Variants in CHD9 observed in about 807,000 individuals in gnomAD.
CHD9 encodes the protein ATP-dependent chromatin remodeler CHD9.
In CHD9, 77 loss-of-function variants were observed where a neutral mutation model predicts 316.1. That is an observed-to-expected ratio of 0.24 (90% CI 0.20 to 0.29). The LOEUF is 0.29. CHD9 is among the 10% of genes least tolerant of loss of function. The pLI is 1.00. For synonymous variants in CHD9, 1,129 were observed against 1,158.3 expected (o/e 0.97, Z 0.51); for missense variants, 2,763 against 3,438.1 (o/e 0.80, Z 4.91).
At chr16:53,227,179 C>T (rs1194141105) in intron 5 of CHD9, 3 of 365,290 alleles carry the variant, frequency 8.2e-6, no homozygotes, top group Non-Finnish European at 1.5e-5. Flanking sequence ...CATTAAAAAG[C>T]ACAATATGTT....
intron 2 of CHD9, among the ~76,000 whole-genome samples, chr16:53,183,169 T>C (rs1409198491): frequency 6.6e-6 from 1 of 152,160 alleles, no homozygotes; most frequent in Non-Finnish European, 1.5e-5. Flanking sequence ...AACAGAAAAG[T>C]GTAGAAGGTA....
intron 1 of CHD9, among the ~76,000 whole-genome samples, chr16:53,139,664 G>T (rs2039961019): frequency 6.6e-6 from 1 of 152,184 alleles, no homozygotes; most frequent in Admixed American, 6.5e-5. Flanking sequence ...ACTGGTATGA[G>T]AGGGAAAGCT....
At chr16:53,083,917 A>AT (rs981324296) in intron 1 of CHD9, among the ~76,000 whole-genome samples, 18 of 148,140 alleles carry the variant, frequency 1.2e-4, no homozygotes, top group South Asian at 4.3e-4. Context: ...TGCCCAACTA[A>AT]TTTTTTTTTT....
chr16:53,096,018 T>C (rs1346225896), intron 1 of CHD9, among the ~76,000 whole-genome samples: 1 of 151,916 alleles, frequency 6.6e-6, no homozygotes, highest in South Asian at 2.1e-4. Context: ...GGTCAGTTGG[T>C]GGAGCAGTGG....
intron 1 of CHD9, among the ~76,000 whole-genome samples, chr16:53,076,047 G>A (rs145445856): frequency 2.0e-4 from 30 of 152,092 alleles, no homozygotes; most frequent in Admixed American, 1.4e-3. Context: ...CTTATTGGCC[G>A]TTTATATATC....
intron 29 of CHD9, among the ~76,000 whole-genome samples, chr16:53,293,897 A>G (rs541029169): frequency 1.3e-5 from 2 of 152,218 alleles, no homozygotes; most frequent in East Asian, 3.9e-4. Flanking sequence ...GCAGTGAGCC[A>G]GTATCATACC....
intron 16 of CHD9, among the ~76,000 whole-genome samples, chr16:53,249,082 T>G (rs1290654351): frequency 2.0e-5 from 3 of 152,132 alleles, no homozygotes; most frequent in Admixed American, 6.5e-5. Context: ...CGTGGAGAAC[T>G]TCATACAGAT....
chr16:53,118,935 G>A (rs1403804047), intron 1 of CHD9, among the ~76,000 whole-genome samples: 1 of 151,950 alleles, frequency 6.6e-6, no homozygotes, highest in Non-Finnish European at 1.5e-5. Context: ...TGGGATTACA[G>A]GCACCCGCCA....
chr16:53,194,906 A>C (rs886912296), intron 2 of CHD9, among the ~76,000 whole-genome samples: 4 of 152,202 alleles, frequency 2.6e-5, no homozygotes, highest in African/African-American at 4.8e-5. Flanking sequence ...CAGTAATAAA[A>C]TCAAGAAAAT....
At position 53,235,425 on chromosome 16, in the gene CHD9, G is replaced by A. The variant is rs978021309; in HGVS notation, c.2633+119G>A. Reference sequence around the variant, plus strand: ...TGTTTTGAAGTCTTCATTATTTAAAGTGAGGTTACCTCAGGAACATATGTA... The same window carrying A: ...TGTTTTGAAGTCTTCATTATTTAAAATGAGGTTACCTCAGGAACATATGTA... On this transcript the variant is annotated intron_variant, in intron 11 of 38. Transcript: ENST00000447540. 1.8e-5 allele frequency: 13 copies of A among 717,784 alleles called. No individual in the cohort carries two copies. In the African/African-American group the frequency reaches 1.8e-4, roughly 10 times the overall value. The allele number at this position is 717,784 out of a possible 1,614,324, so 44.5% of individuals were successfully genotyped here.
intron 2 of CHD9, chr16:53,208,346 G>C: frequency 7.8e-7 from 1 of 1,279,594 alleles, no homozygotes. Context: ...CCAAGAGGAA[G>C]GGTAAGTGAA....
chr16:53,227,934 A>G (rs1195158819), intron 7 of CHD9, among the ~76,000 whole-genome samples: 1 of 151,914 alleles, frequency 6.6e-6, no homozygotes, highest in Non-Finnish European at 1.5e-5. Context: ...AAATACAAAA[A>G]AATTAGCTTG....
chr16:53,065,252 C>T (rs910085566), intron 1 of CHD9, among the ~76,000 whole-genome samples: 3 of 152,136 alleles, frequency 2.0e-5, no homozygotes, highest in Admixed American at 6.5e-5. Context: ...ATAATTGCCC[C>T]TTCCTGTGCT....
At chr16:53,124,411 A>C (rs749035323) in intron 1 of CHD9, among the ~76,000 whole-genome samples, 26 of 150,940 alleles carry the variant, frequency 1.7e-4, no homozygotes, top group Non-Finnish European at 3.4e-4. Context: ...GGCGAGAGAG[A>C]GAGCATGTGT....
chr16:53,096,675 CTG>C (rs1338004803), intron 1 of CHD9, among the ~76,000 whole-genome samples: 1 of 152,164 alleles, frequency 6.6e-6, no homozygotes, highest in Non-Finnish European at 1.5e-5. Flanking sequence ...AATAACTTCA[CTG>C]TGTTATTCTC....
chr16:53,156,879 G>T lies in CHD9; in HGVS notation c.790G>T (p.Val264Phe). The change falls in exon 2 of 39, where the codon GTC becomes TTC. Residue 264 changes from valine (V) to phenylalanine (F), a missense_variant. Transcript: ENST00000447540. Reference sequence around the variant, plus strand: ...TTCCCCAAATATGACTTCTTGTTCTGTCAGTAATTCACAGCAATTTTCTTC... The same window carrying T: ...TTCCCCAAATATGACTTCTTGTTCTTTCAGTAATTCACAGCAATTTTCTTC... ...GPSPNMTSCS[V>F]SNSQQFSSHY... 2 of 1,613,588 alleles carry T rather than the reference G, an allele frequency of 1.2e-6. No homozygotes were observed.
rs2041509592 is a variant in CHD9, at chr16:53,156,182, A to G, written c.93A>G (p.Gly31=). The stretch of plus-strand genomic sequence containing the variant: ...CAGATGATGCATTTGTACAACCAGG[A>G]CCTGTTTCACTAGTTGATGAATTGA... ...GLSDDAFVQP[G]PVSLVDELNL... The change falls in exon 2 of 39, where the codon GGA becomes GGG. Residue 31 remains glycine, a synonymous_variant. Transcript: ENST00000447540. 2.5e-6 allele frequency: 4 copies of G among 1,613,868 alleles called. No individual in the cohort carries two copies. In the East Asian group the frequency reaches 8.9e-5, roughly 36 times the overall value.
intron 2 of CHD9, among the ~76,000 whole-genome samples, chr16:53,190,842 A>C (rs1438644885): frequency 1.3e-5 from 2 of 152,130 alleles, no homozygotes; most frequent in African/African-American, 4.8e-5. Flanking sequence ...TAGTCAAATA[A>C]TTAAAACTAA....
At chr16:53,231,357 G>A (rs755924404) in intron 8 of CHD9, 62 bp from the exon 9 acceptor site, 37 of 900,932 alleles carry the variant, frequency 4.1e-5, no homozygotes, top group East Asian at 9.8e-5. Context: ...TAGTAAATTC[G>A]TCCTTACTTT....
Sources: allele counts gnomAD v4.1 joint callset (sites outside exome capture counted in the v4.1 genomes callset), GRCh38; gene constraint gnomAD v4.1.1; transcripts MANE v1.5; gene names NCBI Gene and HGNC (gene_info 2026-07-23, HGNC 2026-07-21).